The following TMEM117 variants were observed in gnomAD, a reference collection of about 807,000 sequenced individuals.
TMEM117 encodes the protein transmembrane protein 117.
A neutral mutation model predicts 52.4 loss-of-function variants in TMEM117; 27 were observed. The ratio of observed to expected loss-of-function variants is 0.51; its 90% CI spans 0.38 to 0.71. The LOEUF is 0.71. Among genes scored for constraint, TMEM117 ranks in the 30% least tolerant of loss-of-function variants. The pLI, the probability that TMEM117 is intolerant of heterozygous loss-of-function variation, is 0.00. For synonymous variants in TMEM117, 215 were observed against 206.3 expected (o/e 1.04, Z -0.36); for missense variants, 556 against 630.5 (o/e 0.88, Z 1.26).
intron 3 of TMEM117, among the ~76,000 whole-genome samples, chr12:44,122,695 G>A (rs1948257207): frequency 6.6e-6 from 1 of 152,032 alleles, no homozygotes; most frequent in South Asian, 2.1e-4. Context: ...TTAGTTTGCT[G>A]AGGATAATGG....
chr12:44,059,519 A>G (rs1947107325), intron 3 of TMEM117, among the ~76,000 whole-genome samples: 1 of 152,000 alleles, frequency 6.6e-6, no homozygotes, highest in South Asian at 2.1e-4. Flanking sequence ...GGTGGTCTTT[A>G]CTTTAAAAAT....
the TMEM117 span, chr12:43,799,323 C>T: frequency 1.0e-6 from 1 of 965,568 alleles, no homozygotes; most frequent in Non-Finnish European, 1.5e-6. Flanking sequence ...TAGTTATCCT[C>T]CCACATCTAT....
At chr12:44,102,422 T>C (rs917922295) in intron 3 of TMEM117, among the ~76,000 whole-genome samples, 2 of 151,982 alleles carry the variant, frequency 1.3e-5, no homozygotes, top group African/African-American at 4.8e-5. Flanking sequence ...AGTTCTTTTT[T>C]TTCCCCTCAG....
chr12:44,197,529 T>A (rs1352213965), intron 4 of TMEM117, among the ~76,000 whole-genome samples: 1 of 152,214 alleles, frequency 6.6e-6, no homozygotes, highest in African/African-American at 2.4e-5. Flanking sequence ...AATATTTTTT[T>A]TTCTGCTGGC....
intron 6 of TMEM117, among the ~76,000 whole-genome samples, chr12:44,368,108 C>T (rs1951814864): frequency 6.6e-6 from 1 of 152,082 alleles, no homozygotes; most frequent in South Asian, 2.1e-4. Context: ...TGATATGATC[C>T]TCCTCCAGAG....
At chr12:44,035,175 C>T (rs1946691070) in intron 3 of TMEM117, among the ~76,000 whole-genome samples, 1 of 152,242 alleles carries the variant, frequency 6.6e-6, no homozygotes. Flanking sequence ...AATAAATCTC[C>T]GTGTGTGTAT....
chr12:44,212,520 C>G (rs1472007496), intron 5 of TMEM117, among the ~76,000 whole-genome samples: 1 of 152,050 alleles, frequency 6.6e-6, no homozygotes, highest in Non-Finnish European at 1.5e-5. Flanking sequence ...AGATCATACA[C>G]TGAGGTTAAC....
the TMEM117 span, among the ~76,000 whole-genome samples, chr12:43,828,919 G>T: frequency 0.29 from 44,571 of 151,926 alleles, 9,435 homozygotes; most frequent in African/African-American, 0.6. Flanking sequence ...GAGAGCCTTT[G>T]GGTAATTAGA....
At chr12:44,286,900 C>G (rs1287514595) in intron 5 of TMEM117, among the ~76,000 whole-genome samples, 1 of 152,170 alleles carries the variant, frequency 6.6e-6, no homozygotes, top group Non-Finnish European at 1.5e-5. Context: ...TTGAACTCTA[C>G]TACAAAGCAA....
intron 2 of TMEM117, among the ~76,000 whole-genome samples, chr12:43,925,318 A>T (rs1200657829): frequency 6.6e-6 from 1 of 151,610 alleles, no homozygotes; most frequent in African/African-American, 2.4e-5. Context: ...TTTTTTTGTT[A>T]AAAGTATTGA....
chr12:44,174,778 A>G (rs1949096055), intron 4 of TMEM117, among the ~76,000 whole-genome samples: 2 of 152,228 alleles, frequency 1.3e-5, no homozygotes, highest in African/African-American at 4.8e-5. Flanking sequence ...CATTTCGTAC[A>G]GAGTTTATCT....
chr12:43,833,669 G>C (rs1942995252), upstream of TMEM117, among the ~76,000 whole-genome samples: 1 of 152,062 alleles, frequency 6.6e-6, no homozygotes, highest in Admixed American at 6.6e-5. Context: ...TGCACCTGTG[G>C]TCCCAGCTAC....
chr12:44,263,422 C>G (rs555674145), intron 5 of TMEM117: 1 of 152,210 alleles, frequency 6.6e-6, no homozygotes, highest in South Asian at 2.1e-4. Flanking sequence ...TAAATTAGTT[C>G]AACCAGTGTG....
At chr12:44,293,709 C>T (rs149409762) in intron 5 of TMEM117, among the ~76,000 whole-genome samples, 7 of 152,142 alleles carry the variant, frequency 4.6e-5, no homozygotes, top group Non-Finnish European at 7.4e-5. Flanking sequence ...CCCCAGTCAA[C>T]GTTTTATGCT....
At chr12:44,327,492 T>C (rs1197817835) in intron 6 of TMEM117, among the ~76,000 whole-genome samples, 2 of 152,172 alleles carry the variant, frequency 1.3e-5, no homozygotes, top group African/African-American at 2.4e-5. Flanking sequence ...AAAGACACAC[T>C]CATTTTTACT....
intron 1 of TMEM117, among the ~76,000 whole-genome samples, chr12:43,842,857 C>G (rs1172728563): frequency 2.0e-5 from 3 of 152,132 alleles, no homozygotes; most frequent in Non-Finnish European, 4.4e-5. Flanking sequence ...GATGGCATCC[C>G]TGGGACTGGG....
chr12:44,200,931 C>T (rs544449735), intron 4 of TMEM117, among the ~76,000 whole-genome samples: 1 of 152,242 alleles, frequency 6.6e-6, no homozygotes, highest in African/African-American at 2.4e-5. Context: ...AGATGTCAAT[C>T]AGTCCCAAAG....
At chr12:43,843,887 T>A (rs910340551) in intron 1 of TMEM117, among the ~76,000 whole-genome samples, 1 of 152,222 alleles carries the variant, frequency 6.6e-6, no homozygotes, top group African/African-American at 2.4e-5. Flanking sequence ...CTGTATACAT[T>A]TGTCAATGTT....
At chr12:43,805,743 T>C in the TMEM117 span, 1 of 1,285,390 alleles carries the variant, frequency 7.8e-7, no homozygotes, top group African/African-American at 1.5e-5. Context: ...GAAGCACCCC[T>C]ACTGATGTGA....
Sources: allele counts gnomAD v4.1 joint callset (sites outside exome capture counted in the v4.1 genomes callset), GRCh38; gene constraint gnomAD v4.1.1; transcripts MANE v1.5; gene names NCBI Gene and HGNC (gene_info 2026-07-23, HGNC 2026-07-21).